PARP9: variants seen among roughly 807,000 people sequenced by gnomAD.
PARP9 encodes protein mono-ADP-ribosyltransferase PARP9.
A neutral mutation model predicts 68.8 loss-of-function variants in PARP9; 48 were observed. The ratio of observed to expected loss-of-function variants is 0.70; its 90% CI spans 0.55 to 0.89. The LOEUF (loss-of-function observed/expected upper bound fraction) is 0.89. PARP9 is among the 40% of genes least tolerant of loss of function. The pLI, the probability that PARP9 is intolerant of heterozygous loss-of-function variation, is 0.00. For missense variants in PARP9, 806 were observed against 969.3 expected, an observed-to-expected ratio of 0.83 and a Z score of 2.24; for synonymous variants, 309 against 333.8, an observed-to-expected ratio of 0.93 and a Z score of 0.81.
At position 122,536,203 on chromosome 3, in the gene PARP9, CT is replaced by C; in HGVS notation, c.2044del (p.Arg682GlufsTer42). 1.9e-6 allele frequency: 3 copies of C among 1,614,190 alleles called. No individual in the cohort carries two copies. Among genetic ancestry groups the C allele is most frequent in the Non-Finnish European group, 2.5e-6 (3 of 1,180,028 alleles). ...VPYQFCNVVCRVGFQRMYSTP... is the reference protein window; with the variant it reads ...VPYQFCNVVCXVGFQRMYSTP... ...CGAGTACATTCTTTGAAAGCCAACT[CT>C]GCATACCACATTGCAGAACTGGTAT... On this transcript the variant is annotated frameshift_variant, in exon 10 of 11. Coordinates refer to ENST00000682323, the MANE Select transcript of PARP9 (RefSeq NM_001146105.2). LOFTEE classifies it low-confidence loss of function (END_TRUNC).
At chr3:122,561,865 G>A (rs2080236275) in intron 1 of PARP9, among the ~76,000 whole-genome samples, 1 of 152,110 alleles carries the variant, frequency 6.6e-6, no homozygotes, top group Non-Finnish European at 1.5e-5. Context: ...AGGTCTCACA[G>A]TCCCCTCAAA....
At chr3:122,558,789 C>T (rs1442760138) in intron 2 of PARP9, among the ~76,000 whole-genome samples, 2 of 152,302 alleles carry the variant, frequency 1.3e-5, no homozygotes, top group South Asian at 2.1e-4. Context: ...CAGTTCACTG[C>T]AGCCTTGAAC....
chr3:122,564,378 C>T (rs1348138281), upstream of PARP9: 2 of 1,558,108 alleles, frequency 1.3e-6, no homozygotes, highest in African/African-American at 2.7e-5. Context: ...CGCGCCTTTA[C>T]CGCCCAGCTG....
chr3:122,557,171 A>G (rs1350853107), intron 3 of PARP9, among the ~76,000 whole-genome samples: 1 of 151,744 alleles, frequency 6.6e-6, no homozygotes, highest in Non-Finnish European at 1.5e-5. Context: ...TCTCAGAGGC[A>G]TTTCCCAGAG....
rs879918594 is a variant in PARP9, at chr3:122,547,852, C to CA, written c.1327-2364dup. On this transcript the variant is annotated intron_variant, in intron 6 of 10. Transcript: ENST00000682323. ...GAGGCAGCAGAGCGACATCCTGTCT[C>CA]AAAAAAAAGGAAATTAAAAAAAGAA... 9.4e-4 allele frequency among the ~76,000 whole-genome samples: 142 copies of CA among 151,090 alleles called. 1 individual carries two copies. Among genetic ancestry groups the CA allele is most frequent in the Admixed American group, 2.6e-3 (39 of 15,186 alleles).
chr3:122,540,899 T>G (rs769941052), intron 7 of PARP9, 47 bp from the exon 8 acceptor site: 22 of 1,437,742 alleles, frequency 1.5e-5, no homozygotes, highest in Admixed American at 4.8e-5. Flanking sequence ...CAGTTTTTTG[T>G]TTTTTTTTTG....
intron 7 of PARP9, among the ~76,000 whole-genome samples, chr3:122,542,897 T>G (rs2078365603): frequency 6.6e-6 from 1 of 152,154 alleles, no homozygotes; most frequent in African/African-American, 2.4e-5. Flanking sequence ...CACTGAATTT[T>G]AACTCTGAGT....
chr3:122,542,310 A>T, intron 7 of PARP9, among the ~76,000 whole-genome samples: 2 of 118,738 alleles, frequency 1.7e-5, no homozygotes, highest in Admixed American at 1.1e-4. Flanking sequence ...GCTGGTCTTG[A>T]CCTCCTGGCC....
In PARP9 at chr3:122,545,462, A is replaced by C. The variant is rs2078631435; in HGVS notation, c.1354T>G (p.Ser452Ala). ...TAATTGTTCAAACTCAGCATCTTGG[A>C]CCTCTTTGCCATTTCAGAACTGAAA... ...KAFSSEMAKR[S>A]KMLSLNNYSV... The change falls in exon 7 of 11, where the codon TCC (serine) becomes GCC (alanine). Residue 452 changes from serine to alanine, a missense_variant. Physicochemically the swap from Ser to Ala is moderately conservative, Grantham distance 99. Transcript: ENST00000682323. 1 of 1,614,088 alleles carries C rather than the reference A, an allele frequency of 6.2e-7. No individual in the cohort carries two copies. Among genetic ancestry groups the C allele is most frequent in the Non-Finnish European group, 8.5e-7 (1 of 1,180,054 alleles).
chr3:122,544,773 A>T (rs2078563656), intron 7 of PARP9, among the ~76,000 whole-genome samples: 1 of 152,154 alleles, frequency 6.6e-6, no homozygotes, highest in South Asian at 2.1e-4. Context: ...GAAGCAGAGG[A>T]TGCAGTGAGC....
In PARP9 at chr3:122,528,497, A is replaced by T; in HGVS notation, c.2327T>A (p.Met776Lys). The T allele has an allele frequency of 6.2e-7, 1 of 1,614,216 alleles. No homozygotes were observed. Among genetic ancestry groups the T allele is most frequent in the Non-Finnish European group, 8.5e-7 (1 of 1,180,024 alleles). Residue 776 changes from methionine (M) to lysine (K), a missense_variant, in exon 11 of 11, where the codon ATG becomes AAG. Around this residue, in one of 2 missense-constraint regions of PARP9, gnomAD observed 680 missense variants for 858.8 expected, o/e 0.79. Transcript: ENST00000682323. Reference protein sequence around the residue: ...SPETFVIFSGMQAIPQYLWTC... With the variant: ...SPETFVIFSGKQAIPQYLWTC... ...CCACAAATACTGAGGTATAGCCTGC[A>T]TGCCACTAAAAATAACAAAGGTTTC...
chr3:122,534,891 T>C (rs2077535447), intron 10 of PARP9: 1 of 953,312 alleles, frequency 1.0e-6, no homozygotes, highest in African/African-American at 1.8e-5. Flanking sequence ...AATAAATAAA[T>C]AAATAAAGAG....
At chr3:122,550,939 G>A in intron 5 of PARP9, 137 bp from the exon 6 acceptor site, 1 of 737,368 alleles carries the variant, frequency 1.4e-6, no homozygotes, top group Non-Finnish European at 2.3e-6. Context: ...TCAGATGACA[G>A]GAAAGGTCCC....
rs1292827800 is a variant in PARP9 at position 122,540,729 on chromosome 3, A to G, written c.1508T>C (p.Leu503Pro). 6.2e-7 allele frequency: 1 copy of G among 1,614,162 alleles called. No homozygotes were observed. Among genetic ancestry groups the G allele is most frequent in the Admixed American group, 1.7e-5 (1 of 60,018 alleles). Residue 503 changes from leucine (L) to proline (P), a missense_variant, in exon 8 of 11, where the codon CTG (leucine) becomes CCG (proline). Leu to Pro is a moderately conservative substitution (Grantham distance 98). Coordinates refer to ENST00000682323, the MANE Select transcript of PARP9 (RefSeq NM_001146105.2). ...YEAHAWIQRI[L>P]SLQNHHIIEN... is the part of the protein sequence containing the mutation. The stretch of plus-strand genomic sequence containing the variant: ...AATGATGTGGTGGTTCTGGAGACTC[A>G]GGATTCTTTGGATCCATGCGTGGGC...
At position 122,555,661 on chromosome 3, in the gene PARP9, A is replaced by G; in HGVS notation, c.510T>C (p.Asp170=). The G allele has an allele frequency of 6.2e-7, 1 of 1,614,076 alleles. No individual in the cohort carries two copies. Among genetic ancestry groups the G allele is most frequent in the Non-Finnish European group, 8.5e-7 (1 of 1,180,016 alleles). Residue 170 remains aspartate, a synonymous_variant, in exon 4 of 11, where the codon GAT becomes GAC. Transcript: ENST00000682323. ...HAVGPRWMEW[D]KQGCTGKLQR... ...GCAGCTTTCCAGTACATCCCTGTTT[A>G]TCCCATTCCATCCACCGAGGCCCAA...
intron 1 of PARP9, among the ~76,000 whole-genome samples, chr3:122,563,254 C>A (rs545326017): frequency 6.6e-6 from 1 of 152,094 alleles, no homozygotes; most frequent in South Asian, 2.1e-4. Flanking sequence ...ATGTCCTGTC[C>A]AGGGTGGACT....
chr3:122,540,682 G>C lies in PARP9; in HGVS notation c.1555C>G (p.Leu519Val). Residue 519 changes from leucine to valine, a missense_variant, in exon 8 of 11, where the codon CTT (leucine) becomes GTT (valine). Around this residue, in one of 2 missense-constraint regions of PARP9, gnomAD observed 680 missense variants for 858.8 expected, o/e 0.79. Transcript: ENST00000682323. ...AAAATGTCATGTTCCTTTCTCCCAA[G>C]GTACAGAATATGATTATTCTCAATG... ...HIIENNHILY[L>V]GRKEHDILSQ... 6.2e-7 allele frequency: 1 copy of C among 1,614,074 alleles called. No individual in the cohort carries two copies. Among genetic ancestry groups the C allele is most frequent in the Non-Finnish European group, 8.5e-7 (1 of 1,180,024 alleles).
At chr3:122,544,325 C>T (rs955916879) in intron 7 of PARP9, among the ~76,000 whole-genome samples, 5 of 152,162 alleles carry the variant, frequency 3.3e-5, no homozygotes, top group Admixed American at 6.6e-5. Flanking sequence ...TTATTTATTG[C>T]CTGGCATTTG....
intron 10 of PARP9, chr3:122,535,852 A>G (rs2107574917): frequency 8.7e-7 from 1 of 1,153,244 alleles, no homozygotes; most frequent in East Asian, 5.6e-5. Context: ...GCAAAAAAAA[A>G]AAAAAAAAGC....
Sources: gnomAD v4.1 joint callset for allele counts (sites outside exome capture counted in the v4.1 genomes callset) on GRCh38, gnomAD v4.1.1 for gene constraint, gnomAD v4.1.1 regional missense constraint, MANE v1.5 for transcripts, NCBI Gene and HGNC (gene_info 2026-07-23, HGNC 2026-07-21) for gene names.